ANO6: variants seen among roughly 807,000 people sequenced by gnomAD.
ANO6 encodes anoctamin-6.
Under a neutral mutation model 117.5 loss-of-function variants are expected in ANO6, and 106 were observed. That is an observed-to-expected ratio of 0.90 (90% CI 0.77 to 1.06). ANO6 has a LOEUF of 1.06. Ranked by LOEUF, ANO6 falls within the 50% of genes least tolerant of loss-of-function variation. The probability of loss-of-function intolerance (pLI) is 0.00; values close to 1 mark genes in which losing one functional copy is unlikely to be tolerated. For missense variants in ANO6, 955 were observed against 1,121.1 expected, an observed-to-expected ratio of 0.85 and a Z score of 2.12; for synonymous variants, 367 against 385.1, an observed-to-expected ratio of 0.95 and a Z score of 0.55.
chr12:45,432,195 C>T lies in ANO6; in HGVS notation c.*2884C>T. The T allele has an allele frequency of 1.0e-6, 1 of 984,688 alleles. No homozygotes were observed. Among genetic ancestry groups the T allele is most frequent in the Non-Finnish European group, 1.2e-6 (1 of 829,484 alleles). The allele number at this position is 984,688 out of a possible 1,614,324, so 61.0% of individuals were successfully genotyped here. ...AACTGAAGTAGAACTATTCATGATG[C>T]TTTTCACACATTGTGGCATAAGATG... On this transcript the variant is annotated 3_prime_UTR_variant, in exon 20 of 20. Coordinates refer to ENST00000320560, the MANE Select transcript of ANO6 (RefSeq NM_001025356.3).
chr12:45,404,782 T>C (rs1371002055), intron 15 of ANO6, among the ~76,000 whole-genome samples: 1 of 152,200 alleles, frequency 6.6e-6, no homozygotes, highest in African/African-American at 2.4e-5. Context: ...TAGCTGGGAA[T>C]TTTTTAAAAT....
intron 7 of ANO6, 136 bp downstream of exon 7, chr12:45,350,910 G>T (rs1941264215): frequency 2.8e-6 from 2 of 717,586 alleles, no homozygotes; most frequent in Non-Finnish European, 4.9e-6. Context: ...GTTGGCCAGG[G>T]TTTTTATTGA....
intron 1 of ANO6, among the ~76,000 whole-genome samples, chr12:45,225,226 A>T (rs1947464195): frequency 6.6e-6 from 1 of 151,882 alleles, no homozygotes; most frequent in South Asian, 2.1e-4. Flanking sequence ...TTTAAATTAA[A>T]GGATGATATT....
At position 45,416,821 on chromosome 12, in the gene ANO6, C is replaced by T. The variant is rs548167627; in HGVS notation, c.2134C>T (p.Arg712Cys). ...DAWKLTTQFR[R>C]LVPEKAQDIG... Reference sequence around the variant, plus strand: ...ATGGAAACTGACCACCCAGTTTAGACGCCTGGTACCAGAGAAAGCCCAAGA... The same window carrying T: ...ATGGAAACTGACCACCCAGTTTAGATGCCTGGTACCAGAGAAAGCCCAAGA... Residue 712 changes from arginine to cysteine, a missense_variant, in exon 17 of 20, where the codon CGC becomes TGC. Arg to Cys is a radical substitution (Grantham distance 180, BLOSUM62 -3). Coordinates refer to ENST00000320560, the MANE Select transcript of ANO6 (RefSeq NM_001025356.3). The T allele has an allele frequency of 3.0e-5, 48 of 1,614,104 alleles. No individual in the cohort carries two copies. The South Asian group carries it at 4.1e-4, about 14-fold the overall frequency.
chr12:45,220,345 A>G (rs965920049), intron 1 of ANO6, among the ~76,000 whole-genome samples: 1 of 152,296 alleles, frequency 6.6e-6, no homozygotes, highest in Non-Finnish European at 1.5e-5. Flanking sequence ...GACATGGTCC[A>G]TTACCTTTGA....
At chr12:45,392,832 C>G (rs1942491678) in intron 12 of ANO6, among the ~76,000 whole-genome samples, 1 of 152,170 alleles carries the variant, frequency 6.6e-6, no homozygotes, top group Non-Finnish European at 1.5e-5. Context: ...CACCAAAACC[C>G]CATCTGTAGG....
chr12:45,220,795 C>T (rs1276300921), intron 1 of ANO6, among the ~76,000 whole-genome samples: 1 of 152,120 alleles, frequency 6.6e-6, no homozygotes, highest in African/African-American at 2.4e-5. Context: ...AAGACCAAGG[C>T]AGGATTAAAG....
At chr12:45,350,883 C>A in intron 7 of ANO6, 109 bp downstream of exon 7, 1 of 943,712 alleles carries the variant, frequency 1.1e-6, no homozygotes, top group Non-Finnish European at 1.7e-6. Flanking sequence ...GGGAGCTGAC[C>A]CAGAGTGCTG....
chr12:45,317,113 G>GTA (rs1555168447), intron 2 of ANO6, among the ~76,000 whole-genome samples: 1,024 of 66,486 alleles, frequency 0.015, 105 homozygotes, highest in African/African-American at 0.037. Context: ...CTTTTTATAT[G>GTA]TATATATATA....
intron 8 of ANO6, among the ~76,000 whole-genome samples, chr12:45,364,694 G>A (rs1941640074): frequency 6.6e-6 from 1 of 151,634 alleles, no homozygotes; most frequent in Admixed American, 6.6e-5. Context: ...AATTCTTTAG[G>A]TGAGATTTCC....
At chr12:45,300,262 C>T (rs1390544453) in intron 1 of ANO6, among the ~76,000 whole-genome samples, 2 of 152,122 alleles carry the variant, frequency 1.3e-5, no homozygotes, top group Non-Finnish European at 2.9e-5. Context: ...GTCACTGTAG[C>T]CTCAACCTCC....
chr12:45,426,231 G>A (rs1943498999), intron 19 of ANO6, among the ~76,000 whole-genome samples: 2 of 152,248 alleles, frequency 1.3e-5, no homozygotes, highest in South Asian at 4.1e-4. Context: ...GAAATGCAAG[G>A]GTGGCATAAC....
At chr12:45,288,490 A>G (rs928912146) in intron 1 of ANO6, among the ~76,000 whole-genome samples, 2 of 152,138 alleles carry the variant, frequency 1.3e-5, no homozygotes, top group Non-Finnish European at 2.9e-5. Context: ...GGAATCCTAC[A>G]TTCTTTGTCC....
chr12:45,406,221 A>G (rs919599145), intron 15 of ANO6, among the ~76,000 whole-genome samples: 3 of 152,240 alleles, frequency 2.0e-5, no homozygotes, highest in Non-Finnish European at 4.4e-5. Flanking sequence ...GAAGCAGCTG[A>G]GTGAATGAAT....
Position 45,429,175 on chromosome 12 carries a change from A to C in ANO6, c.2597A>C (p.Lys866Thr), listed in dbSNP as rs1387123323. 6.2e-7 allele frequency: 1 copy of C among 1,613,966 alleles called. No homozygotes were observed. The highest frequency in any genetic ancestry group is 8.5e-7 in the Non-Finnish European group (1 of 1,179,936). The change falls in exon 20 of 20, where the codon AAG becomes ACG. Residue 866 changes from lysine (K) to threonine (T), a missense_variant. Physicochemically the swap from Lys to Thr is moderately conservative, Grantham distance 78 (BLOSUM62 -1). Transcript: ENST00000320560. ...IPDVSKRTKSKIQREKYLTQK... is the reference protein window; with the variant it reads ...IPDVSKRTKSTIQREKYLTQK... ...GATGTATCAAAACGCACAAAGAGCAAGATCCAGAGAGAAAAATACCTAACC... is the reference window on the plus strand; with the variant it reads ...GATGTATCAAAACGCACAAAGAGCACGATCCAGAGAGAAAAATACCTAACC...
intron 2 of ANO6, among the ~76,000 whole-genome samples, chr12:45,302,613 C>T (rs1411816184): frequency 6.6e-6 from 1 of 152,120 alleles, no homozygotes; most frequent in African/African-American, 2.4e-5. Flanking sequence ...AAATTGGACT[C>T]ATTAAAGATT....
intron 2 of ANO6, among the ~76,000 whole-genome samples, chr12:45,321,278 T>C (rs1413977118): frequency 6.6e-6 from 1 of 152,190 alleles, no homozygotes; most frequent in Non-Finnish European, 1.5e-5. Flanking sequence ...AGTGGTAGTT[T>C]ATAAAGGTTA....
intron 1 of ANO6, among the ~76,000 whole-genome samples, chr12:45,238,022 G>A (rs932150654): frequency 6.6e-6 from 1 of 152,000 alleles, no homozygotes; most frequent in Admixed American, 6.6e-5. Context: ...TTGGCTCTCT[G>A]TCTGATATTG....
intron 6 of ANO6, 48 bp downstream of exon 6, chr12:45,348,679 G>A (rs1208640003): frequency 1.4e-6 from 2 of 1,393,622 alleles, no homozygotes; most frequent in African/African-American, 1.4e-5. Flanking sequence ...GTATACTCTG[G>A]TGTTGACAAT....
Sources: allele counts gnomAD v4.1 joint callset (sites outside exome capture counted in the v4.1 genomes callset), GRCh38; gene constraint gnomAD v4.1.1; transcripts MANE v1.5; gene names NCBI Gene and HGNC (gene_info 2026-07-23, HGNC 2026-07-21).